SETD3: variants seen among roughly 807,000 people sequenced by gnomAD.
The protein encoded by SETD3 is actin-histidine N-methyltransferase.
Under a neutral mutation model 63.0 loss-of-function variants are expected in SETD3, and 19 were observed. The ratio of observed to expected loss-of-function variants is 0.30; its 90% CI spans 0.21 to 0.44. The LOEUF (loss-of-function observed/expected upper bound fraction) is 0.44. Among genes scored for constraint, SETD3 ranks in the 20% least tolerant of loss-of-function variants. SETD3 has a pLI of 1.00. For synonymous variants in SETD3, 286 were observed against 264.1 expected, an observed-to-expected ratio of 1.08 and a Z score of -0.80; for missense variants, 587 against 728.5, an observed-to-expected ratio of 0.81 and a Z score of 2.24.
Position 99,412,956 on chromosome 14 carries a change from C to T in SETD3, c.844G>A (p.Gly282Ser). 1.9e-6 allele frequency: 3 copies of T among 1,606,676 alleles called. No homozygotes were observed. The highest frequency in any genetic ancestry group is 1.7e-6 in the Non-Finnish European group (2 of 1,173,286). Reference protein sequence around the residue: ...PLWDMCNHTNGLITTGYNLED... With the variant: ...PLWDMCNHTNSLITTGYNLED... ...ACAGGGGAAGAGGTCGTTACCAGGC[C>T]GTTGGTGTGGTTACACATATCCCAT... The change falls in exon 8 of 13, where the codon GGC becomes AGC. Residue 282 changes from glycine to serine, a missense_variant. Coordinates refer to ENST00000331768, the MANE Select transcript of SETD3 (RefSeq NM_032233.3).
intron 6 of SETD3, among the ~76,000 whole-genome samples, chr14:99,429,229 C>A (rs1217139492): frequency 6.6e-6 from 1 of 152,102 alleles, no homozygotes; most frequent in Non-Finnish European, 1.5e-5. Context: ...CTGCACTGAA[C>A]TGTTCTGTTC....
chr14:99,402,256 C>CT (rs914689730), intron 11 of SETD3, among the ~76,000 whole-genome samples: 3 of 152,188 alleles, frequency 2.0e-5, no homozygotes, highest in Non-Finnish European at 4.4e-5. Flanking sequence ...AGCACTAAGA[C>CT]TTTTTTCCAT....
At chr14:99,474,670 G>A (rs1895878703) in intron 1 of SETD3, among the ~76,000 whole-genome samples, 1 of 152,170 alleles carries the variant, frequency 6.6e-6, no homozygotes, top group South Asian at 2.1e-4. Context: ...TTCAAGACCA[G>A]CCTGGCCAAC....
At chr14:99,435,536 T>A (rs552941740) in intron 6 of SETD3, among the ~76,000 whole-genome samples, 115 of 152,322 alleles carry the variant, frequency 7.5e-4, no homozygotes, top group African/African-American at 2.7e-3. Context: ...TTTACAGAAC[T>A]GGCAAGGACT....
intron 1 of SETD3, among the ~76,000 whole-genome samples, chr14:99,467,222 A>C (rs1895438235): frequency 1.3e-5 from 2 of 152,260 alleles, no homozygotes; most frequent in African/African-American, 4.8e-5. Context: ...TAAAATACAC[A>C]GTGTCAGTCA....
At chr14:99,429,306 C>T (rs1187506572) in intron 6 of SETD3, among the ~76,000 whole-genome samples, 1 of 152,090 alleles carries the variant, frequency 6.6e-6, no homozygotes. Context: ...AAAAGAAAGA[C>T]ACAAGGGAGG....
intron 8 of SETD3, chr14:99,409,992 C>A: frequency 2.3e-6 from 1 of 442,736 alleles, no homozygotes; most frequent in Non-Finnish European, 4.1e-6. Context: ...GGGGGGTGAA[C>A]CAACAATAAT....
chr14:99,462,166 T>C (rs1895102126), intron 3 of SETD3, among the ~76,000 whole-genome samples: 1 of 151,930 alleles, frequency 6.6e-6, no homozygotes, highest in South Asian at 2.1e-4. Flanking sequence ...GATCAGTGGG[T>C]GAGAATAAAA....
At chr14:99,483,638 T>A (rs181592739), upstream of SETD3, among the ~76,000 whole-genome samples, 64 of 152,368 alleles carry the variant, frequency 4.2e-4, no homozygotes, top group African/African-American at 1.5e-3. Context: ...CATAAGTTCA[T>A]TTAAGTTTAT....
chr14:99,464,257 G>A (rs1895243122), intron 2 of SETD3, among the ~76,000 whole-genome samples: 1 of 152,252 alleles, frequency 6.6e-6, no homozygotes, highest in Non-Finnish European at 1.5e-5. Flanking sequence ...CCTATTGGCA[G>A]CTCTTTCTTT....
chr14:99,470,299 T>C (rs990180998), intron 1 of SETD3, among the ~76,000 whole-genome samples: 11 of 152,200 alleles, frequency 7.2e-5, no homozygotes, highest in African/African-American at 2.7e-4. Context: ...AGGGTCAAAC[T>C]CAAGGTTATT....
intron 1 of SETD3, among the ~76,000 whole-genome samples, chr14:99,467,354 A>G (rs753384852): frequency 8.5e-5 from 13 of 152,200 alleles, no homozygotes; most frequent in Non-Finnish European, 1.6e-4. Flanking sequence ...CAGACAGCTT[A>G]AGCACCTTTT....
upstream of SETD3, chr14:99,481,485 T>C (rs1896316630): frequency 7.5e-6 from 3 of 398,548 alleles, no homozygotes; most frequent in Non-Finnish European, 1.3e-5. Context: ...GAGGGGTGAG[T>C]GACCCACCGA....
chr14:99,473,437 TTTC>T (rs1399681359), intron 1 of SETD3, among the ~76,000 whole-genome samples: 2 of 152,228 alleles, frequency 1.3e-5, no homozygotes, highest in Non-Finnish European at 2.9e-5. Flanking sequence ...TATTTGTGTA[TTTC>T]TTGAGTTCCC....
At chr14:99,477,001 T>TG (rs1465209268) in intron 1 of SETD3, among the ~76,000 whole-genome samples, 1 of 152,228 alleles carries the variant, frequency 6.6e-6, no homozygotes, top group Admixed American at 6.5e-5. Flanking sequence ...TCTGTCCCTC[T>TG]GCCCTCCCCT....
intron 1 of SETD3, among the ~76,000 whole-genome samples, chr14:99,467,007 A>G (rs1895422496): frequency 6.6e-6 from 1 of 152,258 alleles, no homozygotes; most frequent in Admixed American, 6.5e-5. Flanking sequence ...GAACTATGCT[A>G]GGACAAAGGT....
chr14:99,458,101 C>A (rs1894860725), intron 6 of SETD3, among the ~76,000 whole-genome samples, 178 bp downstream of exon 6: 1 of 152,102 alleles, frequency 6.6e-6, no homozygotes, highest in African/African-American at 2.4e-5. Context: ...ATATATGTAA[C>A]CGCATTTCAT....
upstream of SETD3, chr14:99,481,432 G>T: frequency 5.0e-6 from 2 of 398,712 alleles, no homozygotes; most frequent in East Asian, 7.1e-5. Context: ...CAAGATGGCC[G>T]CAGTCGGCAA....
At chr14:99,441,897 T>G (rs1280835714) in intron 6 of SETD3, among the ~76,000 whole-genome samples, 3 of 152,166 alleles carry the variant, frequency 2.0e-5, no homozygotes, top group Non-Finnish European at 2.9e-5. Flanking sequence ...ACAGGGACCC[T>G]TTGGAAGAAA....
Sources: gnomAD v4.1 joint callset for allele counts (sites outside exome capture counted in the v4.1 genomes callset) on GRCh38, gnomAD v4.1.1 for gene constraint, MANE v1.5 for transcripts, NCBI Gene and HGNC (gene_info 2026-07-23, HGNC 2026-07-21) for gene names.